The following FAT3 variants were observed in gnomAD, a reference collection of about 807,000 sequenced individuals.
The protein encoded by FAT3 is FAT atypical cadherin 3.
A neutral mutation model predicts 310.2 loss-of-function variants in FAT3; 95 were observed. The ratio of observed to expected loss-of-function variants is 0.31; its 90% CI spans 0.26 to 0.36. The LOEUF is 0.36. Among genes scored for constraint, FAT3 ranks in the 10% least tolerant of loss-of-function variants. The pLI, the probability that FAT3 is intolerant of heterozygous loss-of-function variation, is 1.00. For synonymous variants in FAT3, 2,314 were observed against 2,192.9 expected, an observed-to-expected ratio of 1.06 and a Z score of -1.54; for missense variants, 5,408 against 5,715.6, an observed-to-expected ratio of 0.95 and a Z score of 1.74.
chr11:92,251,490 G>A (rs780354546), intron 1 of FAT3, among the ~76,000 whole-genome samples: 31 of 152,068 alleles, frequency 2.0e-4, no homozygotes, highest in Non-Finnish European at 3.5e-4. Flanking sequence ...AAATAAAATT[G>A]CCTCATGATG....
intron 4 of FAT3, among the ~76,000 whole-genome samples, chr11:92,739,881 A>T (rs1355362571): frequency 1.3e-5 from 2 of 152,226 alleles, no homozygotes; most frequent in African/African-American, 4.8e-5. Flanking sequence ...AGAGACATTC[A>T]TTATTCATTG....
intron 1 of FAT3, among the ~76,000 whole-genome samples, chr11:92,229,281 C>G (rs1273285009): frequency 6.6e-6 from 1 of 151,984 alleles, no homozygotes; most frequent in East Asian, 1.9e-4. Context: ...AGGAGTGGGT[C>G]TTTGTTTTTT....
At chr11:92,601,230 A>G (rs1940008415) in intron 3 of FAT3, among the ~76,000 whole-genome samples, 1 of 152,020 alleles carries the variant, frequency 6.6e-6, no homozygotes, top group Non-Finnish European at 1.5e-5. Flanking sequence ...GAGTAAAAAC[A>G]GGCAAAAAAC....
intron 3 of FAT3, among the ~76,000 whole-genome samples, chr11:92,642,988 G>A (rs1191416494): frequency 6.6e-6 from 1 of 152,178 alleles, no homozygotes; most frequent in Non-Finnish European, 1.5e-5. Context: ...GAGGTAATAT[G>A]AATGAATAAA....
intron 3 of FAT3, among the ~76,000 whole-genome samples, chr11:92,670,539 G>A (rs952185816): frequency 6.6e-6 from 1 of 152,072 alleles, no homozygotes; most frequent in Admixed American, 6.6e-5. Flanking sequence ...TGCCTTGTTT[G>A]GGGGGATGAG....
chr11:92,714,924 C>T (rs1253219328), intron 4 of FAT3, among the ~76,000 whole-genome samples: 1 of 151,892 alleles, frequency 6.6e-6, no homozygotes, highest in Non-Finnish European at 1.5e-5. Context: ...TATTTTATTG[C>T]TTCATTAAAA....
At chr11:92,261,224 A>T (rs905751749) in intron 1 of FAT3, among the ~76,000 whole-genome samples, 4 of 152,134 alleles carry the variant, frequency 2.6e-5, no homozygotes, top group African/African-American at 9.7e-5. Flanking sequence ...GGAGGAATTC[A>T]TCCAAACAAG....
chr11:92,245,160 A>G (rs971701566), intron 1 of FAT3, among the ~76,000 whole-genome samples: 3 of 152,188 alleles, frequency 2.0e-5, no homozygotes, highest in African/African-American at 7.2e-5. Flanking sequence ...CTATGCAGCC[A>G]TAAAAAAAGG....
At chr11:92,736,096 T>C (rs970853591) in intron 4 of FAT3, among the ~76,000 whole-genome samples, 2 of 152,170 alleles carry the variant, frequency 1.3e-5, no homozygotes, top group Admixed American at 1.3e-4. Context: ...TTGAAGGCAC[T>C]GTCTGATCCT....
chr11:92,431,886 G>C (rs935578396), intron 2 of FAT3, among the ~76,000 whole-genome samples: 1 of 152,174 alleles, frequency 6.6e-6, no homozygotes, highest in African/African-American at 2.4e-5. Context: ...GTACCATGCT[G>C]TTTTGGTTAC....
At chr11:92,248,984 C>T (rs180671494) in intron 1 of FAT3, among the ~76,000 whole-genome samples, 4 of 152,186 alleles carry the variant, frequency 2.6e-5, no homozygotes, top group Admixed American at 1.3e-4. Flanking sequence ...GATCACATAA[C>T]TAAGTAGGGC....
chr11:92,566,813 C>T lies in FAT3; in HGVS notation c.3607+41865C>T, dbSNP rs566515837. On this transcript the variant is annotated intron_variant, in intron 3 of 27. Coordinates refer to ENST00000525166, the MANE Select transcript of FAT3 (RefSeq NM_001367949.2). ...AGGATTCCCTATTTAATAAATGGTG[C>T]TGGGAAAACTGGCTGGCCATATGTA... Among the ~76,000 whole-genome samples, 151 of 152,258 alleles carry T rather than the reference C, an allele frequency of 9.9e-4. 2 individuals are homozygous for T. Among genetic ancestry groups the T allele is most frequent in the African/African-American group, 3.5e-3 (146 of 41,554 alleles).
rs1473013918 is a variant in FAT3 at position 92,799,005 on chromosome 11, A to G, written c.5992A>G (p.Ile1998Val). The change falls in exon 10 of 28, where the codon ATA becomes GTA. Residue 1998 changes from isoleucine (I) to valine (V), a missense_variant. By Grantham distance (29) the Ile-to-Val change is conservative. Coordinates refer to ENST00000525166, the MANE Select transcript of FAT3 (RefSeq NM_001367949.2). ...STSISENNTN[I>V]TKVAIVNAVG... ...CTCAATCTCAGAGAACAACACTAACATAACCAAAGTTGCTATTGTCAATGC... is the reference window on the plus strand; with the variant it reads ...CTCAATCTCAGAGAACAACACTAACGTAACCAAAGTTGCTATTGTCAATGC... 1.2e-5 allele frequency: 20 copies of G among 1,613,964 alleles called. No individual in the cohort carries two copies. The highest frequency in any genetic ancestry group is 1.5e-5 in the Non-Finnish European group (18 of 1,179,868).
intron 3 of FAT3, among the ~76,000 whole-genome samples, chr11:92,639,032 G>A (rs186725210): frequency 7.0e-4 from 107 of 152,270 alleles, no homozygotes; most frequent in Admixed American, 3.4e-3. Context: ...CTAGGTTAAT[G>A]CATTAATTAG....
rs79653468 is a variant in FAT3, at chr11:92,320,012, A to T, written c.-17-32084A>T. Among the ~76,000 whole-genome samples the T allele has an allele frequency of 3.1e-4, 47 of 152,320 alleles. 1 individual carries two copies. In the East Asian group the frequency reaches 8.9e-3, roughly 29 times the overall value. ...CCAAAACTTTAATTTGCTAGTGTGC[A>T]TTGTGACACTCCAGGATGGGTTATT... On this transcript the variant is annotated intron_variant, in intron 1 of 27. Transcript: ENST00000525166.
At chr11:92,622,260 G>T (rs2135671715) in intron 3 of FAT3, among the ~76,000 whole-genome samples, 1 of 148,672 alleles carries the variant, frequency 6.7e-6, no homozygotes, top group South Asian at 2.3e-4. Context: ...CTCCAGCATA[G>T]GCAAGAGCAA....
intron 2 of FAT3, among the ~76,000 whole-genome samples, chr11:92,454,294 T>C (rs1951441873): frequency 6.6e-6 from 1 of 152,148 alleles, no homozygotes; most frequent in Non-Finnish European, 1.5e-5. Flanking sequence ...AGTGATAGTA[T>C]CTGACTGTTC....
intron 2 of FAT3, among the ~76,000 whole-genome samples, chr11:92,518,386 A>G (rs1292566186): frequency 6.6e-6 from 1 of 152,128 alleles, no homozygotes; most frequent in East Asian, 1.9e-4. Context: ...GCTGGAAACC[A>G]TCATTCTCAG....
At chr11:92,551,414 TTGTGTG>T (rs71473973) in intron 3 of FAT3, among the ~76,000 whole-genome samples, 1 of 128,874 alleles carries the variant, frequency 7.8e-6, no homozygotes, top group Non-Finnish European at 1.6e-5. Context: ...TTTTTTTGTT[TTGTGTG>T]TGTGTGTGTG....
Sources: allele counts gnomAD v4.1 joint callset (sites outside exome capture counted in the v4.1 genomes callset), GRCh38; gene constraint gnomAD v4.1.1; transcripts MANE v1.5; gene names NCBI Gene and HGNC (gene_info 2026-07-23, HGNC 2026-07-21).